The following EXOC4 variants were observed in gnomAD, a reference collection of about 807,000 sequenced individuals.
EXOC4 encodes the protein SEC8-like 1.
In EXOC4, 71 loss-of-function variants were observed where a neutral mutation model predicts 107.2. The ratio of observed to expected loss-of-function variants is 0.66; its 90% CI spans 0.55 to 0.81. The LOEUF is 0.81. EXOC4 is among the 30% of genes least tolerant of loss of function. The pLI, the probability that EXOC4 is intolerant of heterozygous loss-of-function variation, is 0.00. For synonymous variants in EXOC4, 456 were observed against 441.2 expected (o/e 1.03, Z -0.42); for missense variants, 1,108 against 1,189.6 (o/e 0.93, Z 1.01).
chr7:133,286,990 A>G (rs977828848), intron 2 of EXOC4, among the ~76,000 whole-genome samples: 1 of 152,124 alleles, frequency 6.6e-6, no homozygotes, highest in Admixed American at 6.5e-5. Flanking sequence ...AGAAACTTTT[A>G]ACTCAGTACC....
chr7:133,471,998 T>G (rs931094406), intron 7 of EXOC4, among the ~76,000 whole-genome samples: 3 of 152,222 alleles, frequency 2.0e-5, no homozygotes, highest in Non-Finnish European at 4.4e-5. Context: ...TTCTTGGAAG[T>G]ATTTGTTGGT....
intron 17 of EXOC4, among the ~76,000 whole-genome samples, chr7:134,043,389 G>C (rs972439335): frequency 1.3e-5 from 2 of 152,142 alleles, no homozygotes; most frequent in Non-Finnish European, 2.9e-5. Flanking sequence ...CTGTTTTCCT[G>C]CTCAAATGGT....
chr7:133,451,022 G>T (rs17167087), intron 7 of EXOC4, among the ~76,000 whole-genome samples: 75,201 of 151,988 alleles, frequency 0.49, 19,000 homozygotes, highest in Admixed American at 0.6. Context: ...TTGGTTTGGA[G>T]AATACAGACA....
chr7:133,689,697 A>G (rs1794379621), intron 10 of EXOC4, among the ~76,000 whole-genome samples: 1 of 152,198 alleles, frequency 6.6e-6, no homozygotes, highest in Non-Finnish European at 1.5e-5. Context: ...ACCCAGTAGG[A>G]TTGTTGCTAA....
intron 14 of EXOC4, among the ~76,000 whole-genome samples, chr7:133,993,550 A>C (rs1042006009): frequency 3.3e-5 from 5 of 152,244 alleles, no homozygotes; most frequent in Admixed American, 1.3e-4. Context: ...TTAAAATTTC[A>C]GAGGTTGAAA....
At position 133,383,978 on chromosome 7, in the gene EXOC4, A is replaced by C. The variant is rs561295240; in HGVS notation, c.1182+8976A>C. Among the ~76,000 whole-genome samples the C allele has an allele frequency of 7.3e-4, 111 of 152,236 alleles. No individual in the cohort carries two copies. In the Middle Eastern group the frequency reaches 0.01, roughly 14 times the overall value. ...GAACAGAATATAATTAACATTTACA[A>C]GTTAAATTAAAAATCTTCTAAATTC... On this transcript the variant is annotated intron_variant, in intron 7 of 17. Coordinates refer to ENST00000253861, the MANE Select transcript of EXOC4 (RefSeq NM_021807.4).
chr7:133,272,633 T>C (rs1278471762), intron 1 of EXOC4, among the ~76,000 whole-genome samples: 1 of 152,062 alleles, frequency 6.6e-6, no homozygotes, highest in Non-Finnish European at 1.5e-5. Flanking sequence ...AGTTCTATAA[T>C]GTAAATATTT....
chr7:133,682,257 T>C (rs184931622), intron 10 of EXOC4, among the ~76,000 whole-genome samples: 1 of 152,320 alleles, frequency 6.6e-6, no homozygotes, highest in East Asian at 1.9e-4. Context: ...ATATTATCAT[T>C]TACCAAAGTT....
At chr7:133,847,308 A>G (rs1024672276) in intron 11 of EXOC4, among the ~76,000 whole-genome samples, 1 of 152,174 alleles carries the variant, frequency 6.6e-6, no homozygotes, top group Admixed American at 6.5e-5. Flanking sequence ...TTCCCTAATA[A>G]GTATTATTAG....
At chr7:133,349,384 C>T (rs931513142) in intron 5 of EXOC4, among the ~76,000 whole-genome samples, 2 of 152,096 alleles carry the variant, frequency 1.3e-5, no homozygotes, top group Admixed American at 6.5e-5. Context: ...TGACTAAGTA[C>T]GGCATATAAG....
chr7:133,554,004 A>C (rs1800644693), intron 9 of EXOC4, among the ~76,000 whole-genome samples: 1 of 152,142 alleles, frequency 6.6e-6, no homozygotes, highest in Non-Finnish European at 1.5e-5. Context: ...ATTCCATAGG[A>C]AATAGCTGTT....
rs140928366 is a variant in EXOC4 at position 133,373,621 on chromosome 7, A to C, written c.1008-1207A>C. Among the ~76,000 whole-genome samples, 453 of 152,314 alleles carry C rather than the reference A, an allele frequency of 3.0e-3. 3 individuals carry two copies. Among genetic ancestry groups the C allele is most frequent in the African/African-American group, 0.01 (433 of 41,580 alleles). On this transcript the variant is annotated intron_variant, in intron 6 of 17. Transcript: ENST00000253861. ...TATAACCCCTTATTTATGGTAATAA[A>C]ACCTTGTTAATTGACACTGCTGACA... is the stretch of plus-strand genomic sequence containing the variant.
At chr7:133,971,361 T>TATATATATATATATAG (rs1489958236) in intron 14 of EXOC4, among the ~76,000 whole-genome samples, 35 of 75,066 alleles carry the variant, frequency 4.7e-4, no homozygotes, top group African/African-American at 7.9e-4. Context: ...TATATATATA[T>TATATATATATATATAG]AGAGAGAGAG....
chr7:133,779,792 A>C (rs761712409), intron 10 of EXOC4, among the ~76,000 whole-genome samples: 25 of 152,038 alleles, frequency 1.6e-4, no homozygotes, highest in Non-Finnish European at 2.4e-4. Flanking sequence ...TGTAAAATGG[A>C]CCAATCAGCT....
At chr7:133,630,265 A>C in intron 10 of EXOC4, 124 bp downstream of exon 10, 1 of 683,202 alleles carries the variant, frequency 1.5e-6, no homozygotes, top group East Asian at 2.7e-5. Flanking sequence ...TTCCATTTTT[A>C]GGGCCTCACT....
chr7:133,425,051 C>G (rs1345941789), intron 7 of EXOC4, among the ~76,000 whole-genome samples: 1 of 151,882 alleles, frequency 6.6e-6, no homozygotes, highest in Non-Finnish European at 1.5e-5. Context: ...CCATGGTACC[C>G]TATGAGGGAA....
At chr7:133,425,399 G>A (rs1279320137) in intron 7 of EXOC4, among the ~76,000 whole-genome samples, 3 of 152,096 alleles carry the variant, frequency 2.0e-5, no homozygotes, top group Non-Finnish European at 4.4e-5. Flanking sequence ...CGATTCTGCT[G>A]TCTCAGTCTC....
intron 14 of EXOC4, among the ~76,000 whole-genome samples, chr7:133,946,491 G>A (rs1010892513): frequency 5.3e-5 from 8 of 152,034 alleles, no homozygotes; most frequent in African/African-American, 1.9e-4. Flanking sequence ...TGTTTTGTAG[G>A]AACAAAAGCA....
chr7:133,961,460 T>G (rs13310832), intron 14 of EXOC4, among the ~76,000 whole-genome samples: 105,082 of 150,740 alleles, frequency 0.7, 37,005 homozygotes, highest in East Asian at 0.91. Context: ...CTAATTTTTT[T>G]TATTTTTAGT....
Sources: allele counts gnomAD v4.1 joint callset (sites outside exome capture counted in the v4.1 genomes callset), GRCh38; gene constraint gnomAD v4.1.1; transcripts MANE v1.5; gene names NCBI Gene and HGNC (gene_info 2026-07-23, HGNC 2026-07-21).